The following SYNE1 variants were observed in gnomAD, a reference collection of about 807,000 sequenced individuals.
SYNE1 encodes nesprin-1.
A neutral mutation model predicts 1,111.0 loss-of-function variants in SYNE1; 616 were observed. The ratio of observed to expected loss-of-function variants is 0.55; its 90% CI spans 0.52 to 0.59. SYNE1 has a LOEUF of 0.59. SYNE1 is among the 20% of genes least tolerant of loss of function. The probability of loss-of-function intolerance (pLI) is 0.00; values close to 1 mark genes in which losing one functional copy is unlikely to be tolerated. For missense variants in SYNE1, 10,006 were observed against 10,417.0 expected, an observed-to-expected ratio of 0.96 and a Z score of 1.72; for synonymous variants, 3,855 against 3,825.8, an observed-to-expected ratio of 1.01 and a Z score of -0.28.
intron 10 of SYNE1, among the ~76,000 whole-genome samples, chr6:152,500,497 T>C (rs1298878797): frequency 6.6e-6 from 1 of 152,216 alleles, no homozygotes; most frequent in African/African-American, 2.4e-5. Context: ...AAATGCCAAA[T>C]TAATTTCATT....
At position 152,329,876 on chromosome 6, in the gene SYNE1, T is replaced by A; in HGVS notation, c.14809A>T (p.Ser4937Cys). The part of the protein sequence containing the change: ...IQIHQEEVQS[S>C]LRIMNALSHK... ...CTCAGCGCATTCATGATTCTCAAGC[T>A]GGACTGGACCTCTTCCTGATGAATT... is the stretch of plus-strand genomic sequence containing the variant. The change falls in exon 78 of 146, where the codon AGC becomes TGC. Residue 4937 changes from serine (S) to cysteine (C), a missense_variant. Physicochemically the swap from Ser to Cys is moderately radical, Grantham distance 112. Coordinates refer to ENST00000367255, the MANE Select transcript of SYNE1 (RefSeq NM_182961.4). The A allele has an allele frequency of 6.2e-7, 1 of 1,614,184 alleles. No individual in the cohort carries two copies. The highest frequency in any genetic ancestry group is 8.5e-7 in the Non-Finnish European group (1 of 1,180,036).
intron 14 of SYNE1, among the ~76,000 whole-genome samples, chr6:152,474,827 C>T (rs969247469): frequency 1.3e-5 from 2 of 152,092 alleles, no homozygotes; most frequent in Non-Finnish European, 2.9e-5. Context: ...GAGTTTATAA[C>T]TTTCTTGCTA....
At chr6:152,537,670 T>C (rs2099249961) in intron 4 of SYNE1, among the ~76,000 whole-genome samples, 1 of 152,108 alleles carries the variant, frequency 6.6e-6, no homozygotes, top group African/African-American at 2.4e-5. Context: ...AAAATAAAAA[T>C]TCCTATTAAA....
In SYNE1 at chr6:152,136,769, T is replaced by C. The variant is rs756645782; in HGVS notation, c.25508A>G (p.Asn8503Ser). Residue 8503 changes from asparagine to serine, a missense_variant, in exon 141 of 146, where the codon AAT (asparagine) becomes AGT (serine). By Grantham distance (46) the Asn-to-Ser change is conservative. This residue lies in a region of SYNE1 where 761 missense variants were observed against 795.5 expected (regional missense o/e 0.96). Coordinates refer to ENST00000367255, the MANE Select transcript of SYNE1 (RefSeq NM_182961.4). Reference protein sequence around the residue: ...DHRKAIILSINLCSPEFTQAD... With the variant: ...DHRKAIILSISLCSPEFTQAD... ...CTGGGTGAACTCAGGGCTGCAGAGA[T>C]TGATGGAGAGGATGATGGCTTTGCG... 5 of 1,614,070 alleles carry C rather than the reference T, an allele frequency of 3.1e-6. No homozygotes were observed. The East Asian group carries it at 6.7e-5, about 22-fold the overall frequency.
At chr6:152,201,767 A>G (rs920203075) in intron 127 of SYNE1, 57 bp downstream of exon 127, 9 of 1,613,064 alleles carry the variant, frequency 5.6e-6, no homozygotes, top group Non-Finnish European at 6.8e-6. Context: ...TATGGCCCCA[A>G]AGACATTCCA....
At chr6:152,410,453 C>T (rs2098009895) in intron 42 of SYNE1, 1 of 151,708 alleles carries the variant, frequency 6.6e-6, no homozygotes, top group Non-Finnish European at 1.5e-5. Context: ...CAAAAAACAG[C>T]TGGGCGCCAT....
chr6:152,201,279 AC>A (rs1325412203), intron 127 of SYNE1, among the ~76,000 whole-genome samples: 1 of 152,052 alleles, frequency 6.6e-6, no homozygotes, highest in Non-Finnish European at 1.5e-5. Context: ...TTAGCTACTG[AC>A]TTGCTTCCAA....
chr6:152,487,876 C>A (rs528008868), intron 12 of SYNE1, among the ~76,000 whole-genome samples: 1 of 152,068 alleles, frequency 6.6e-6, no homozygotes, highest in African/African-American at 2.4e-5. Context: ...GAGATTGAGA[C>A]CATCCTGGCT....
Position 152,396,793 on chromosome 6 carries a change from C to G in SYNE1, c.7538G>C (p.Cys2513Ser). The G allele has an allele frequency of 6.2e-7, 1 of 1,614,120 alleles. No homozygotes were observed. Among genetic ancestry groups the G allele is most frequent in the Non-Finnish European group, 8.5e-7 (1 of 1,180,002 alleles). Residue 2513 changes from cysteine (C) to serine (S), a missense_variant, in exon 50 of 146, where the codon TGT becomes TCT. Coordinates refer to ENST00000367255, the MANE Select transcript of SYNE1 (RefSeq NM_182961.4). Reference protein sequence around the residue: ...CLKDKQALQDCASELGSFEDQ... With the variant: ...CLKDKQALQDSASELGSFEDQ... ...AACCTACCTTCCAAGTTCTGAAGCA[C>G]AGTCTTGAAGAGCCTGCTTATCTTT... is the stretch of plus-strand genomic sequence containing the variant.
chr6:152,218,801 G>T (rs1386356877), intron 120 of SYNE1, among the ~76,000 whole-genome samples: 16 of 151,440 alleles, frequency 1.1e-4, no homozygotes, highest in Admixed American at 1.0e-3. Context: ...ATCTTAAACC[G>T]ATTTTAAAAT....
At chr6:152,364,613 G>A (rs2154075868) in intron 63 of SYNE1, among the ~76,000 whole-genome samples, 1 of 147,614 alleles carries the variant, frequency 6.8e-6, no homozygotes, top group East Asian at 2.0e-4. Context: ...AAAAGAAAGA[G>A]GAATCAAGAG....
intron 137 of SYNE1, chr6:152,143,993 A>C: frequency 1.7e-6 from 1 of 571,754 alleles, no homozygotes; most frequent in South Asian, 1.9e-5. Context: ...GGACGTCGCA[A>C]AACGGCTCTC....
Position 152,122,224 on chromosome 6 carries a change from C to T in SYNE1, c.*212G>A, listed in dbSNP as rs2051550443. On this transcript the variant is annotated 3_prime_UTR_variant, in exon 146 of 146. Coordinates refer to ENST00000367255, the MANE Select transcript of SYNE1 (RefSeq NM_182961.4). ...TTCAGAGTCTCAAACCAGATTTCTT[C>T]CAAACCTTCTTGTTGTCTGTTTGTT... 9 of 733,242 alleles carry T rather than the reference C, an allele frequency of 1.2e-5. No individual in the cohort carries two copies. The highest frequency in any genetic ancestry group is 2.0e-5 in the Non-Finnish European group (9 of 451,404). The allele number at this position is 733,242 out of a possible 1,614,324, so 45.4% of individuals were successfully genotyped here.
chr6:152,312,366 C>T (rs1035532883), intron 87 of SYNE1, among the ~76,000 whole-genome samples: 1 of 150,756 alleles, frequency 6.6e-6, no homozygotes, highest in Non-Finnish European at 1.5e-5. Context: ...TGAGCCGCCA[C>T]GCCCAGCTAA....
intron 2 of SYNE1, among the ~76,000 whole-genome samples, chr6:152,631,930 C>A (rs76960790): frequency 2.0e-5 from 3 of 152,130 alleles, no homozygotes; most frequent in African/African-American, 7.2e-5. Context: ...CTTCACATCA[C>A]CCCTCTGAAG....
At chr6:152,306,728 A>C (rs1047235800) in intron 91 of SYNE1, among the ~76,000 whole-genome samples, 2 of 150,828 alleles carry the variant, frequency 1.3e-5, no homozygotes, top group African/African-American at 4.9e-5. Flanking sequence ...AAAAAAAAAA[A>C]ATGCAAAAAC....
intron 48 of SYNE1, among the ~76,000 whole-genome samples, chr6:152,398,981 A>T (rs2097773847): frequency 6.6e-6 from 1 of 152,240 alleles, no homozygotes; most frequent in South Asian, 2.1e-4. Context: ...ATGTTCCTGG[A>T]ATGTCTAATA....
chr6:152,453,710 C>A lies in SYNE1; in HGVS notation c.2903G>T (p.Ser968Ile). The A allele has an allele frequency of 6.2e-7, 1 of 1,614,180 alleles. No homozygotes were observed. The highest frequency in any genetic ancestry group is 8.5e-7 in the Non-Finnish European group (1 of 1,180,046). ...ELLRRHTEFF[S>I]QLDQRVLNAF... ...ATTGAGCACCCTCTGATCCAGCTGA[C>A]TGAAAAACTCCTGACATGGAAGGGG... The change falls in exon 25 of 146, where the codon AGT becomes ATT. Residue 968 changes from serine (S) to isoleucine (I), a missense_variant. This residue lies in a region of SYNE1 where 1,971 missense variants were observed against 2,084.1 expected (regional missense o/e 0.95). Transcript: ENST00000367255.
rs981439951 is a variant in SYNE1, at chr6:152,441,979, G to C, written c.4008+96C>G. Reference sequence around the variant, plus strand: ...TTTAACACAGGGCTGAAACATCAGAGGCGGTAACAAAGGTTCGCCTTGGTG... The same window carrying C: ...TTTAACACAGGGCTGAAACATCAGACGCGGTAACAAAGGTTCGCCTTGGTG... On this transcript the variant is annotated intron_variant, in intron 31 of 145. Coordinates refer to ENST00000367255, the MANE Select transcript of SYNE1 (RefSeq NM_182961.4). 5.7e-6 allele frequency: 8 copies of C among 1,403,022 alleles called. No homozygotes were observed. In the African/African-American group the frequency reaches 1.1e-4, roughly 20 times the overall value. The allele number at this position is 1,403,022 out of a possible 1,614,324, so 86.9% of individuals were successfully genotyped here. A position where few individuals can be genotyped will look rare whatever the true frequency, so the allele number is the denominator to read the frequency against.
Sources: gnomAD v4.1 joint callset for allele counts (sites outside exome capture counted in the v4.1 genomes callset) on GRCh38, gnomAD v4.1.1 for gene constraint, gnomAD v4.1.1 regional missense constraint, MANE v1.5 for transcripts, NCBI Gene and HGNC (gene_info 2026-07-23, HGNC 2026-07-21) for gene names.